The following MYO10 variants were observed in gnomAD, a reference collection of about 807,000 sequenced individuals.
The protein encoded by MYO10 is unconventional myosin-X.
A neutral mutation model predicts 257.3 loss-of-function variants in MYO10; 133 were observed. The ratio of observed to expected loss-of-function variants is 0.52; its 90% CI spans 0.45 to 0.60. The LOEUF is 0.60. MYO10 is among the 20% of genes least tolerant of loss of function. MYO10 has a pLI of 0.00. For synonymous variants in MYO10, 1,104 were observed against 1,028.6 expected, an observed-to-expected ratio of 1.07 and a Z score of -1.40; for missense variants, 2,399 against 2,635.7, an observed-to-expected ratio of 0.91 and a Z score of 1.97.
Position 16,870,087 on chromosome 5 carries a change from C to T in MYO10, c.120+7522G>A, listed in dbSNP as rs866873689. Among the ~76,000 whole-genome samples the T allele has an allele frequency of 3.3e-5, 5 of 151,310 alleles. No individual in the cohort carries two copies. In the Middle Eastern group the frequency reaches 0.017, roughly 515 times the overall value. ...GACACACATGGCTCTGCTTTTTCTCCAACACTAAACAGGATTTTAAAATTG... is the reference window on the plus strand; with the variant it reads ...GACACACATGGCTCTGCTTTTTCTCTAACACTAAACAGGATTTTAAAATTG... On this transcript the variant is annotated intron_variant, in intron 2 of 40. Transcript: ENST00000513610.
intron 1 of MYO10, among the ~76,000 whole-genome samples, chr5:16,919,610 A>T (rs1011036796): frequency 2.6e-5 from 4 of 152,232 alleles, no homozygotes; most frequent in African/African-American, 9.6e-5. Context: ...GAATTAATAC[A>T]TGTAAAAAGC....
chr5:16,836,164 A>G (rs1179319657), intron 2 of MYO10, among the ~76,000 whole-genome samples: 1 of 152,188 alleles, frequency 6.6e-6, no homozygotes, highest in East Asian at 1.9e-4. Context: ...CCCCTCCCAA[A>G]AAGAGTGTCT....
intron 19 of MYO10, among the ~76,000 whole-genome samples, chr5:16,718,411 G>C (rs1474339067): frequency 6.6e-6 from 1 of 152,288 alleles, no homozygotes; most frequent in Non-Finnish European, 1.5e-5. Flanking sequence ...AGCCAGCTGG[G>C]CTCCTGAGTC....
chr5:16,919,398 A>C (rs1214416950), intron 1 of MYO10, among the ~76,000 whole-genome samples: 1 of 151,886 alleles, frequency 6.6e-6, no homozygotes, highest in Non-Finnish European at 1.5e-5. Context: ...CAAACAAATA[A>C]ACAAAAATCT....
chr5:16,845,211 A>C (rs1743599653), intron 2 of MYO10, among the ~76,000 whole-genome samples: 1 of 152,108 alleles, frequency 6.6e-6, no homozygotes, highest in South Asian at 2.1e-4. Context: ...TTACTGCTGA[A>C]TTATCTGTAG....
intron 30 of MYO10, among the ~76,000 whole-genome samples, chr5:16,682,549 G>A (rs1188659947): frequency 6.6e-6 from 1 of 152,154 alleles, no homozygotes; most frequent in African/African-American, 2.4e-5. Context: ...CGTGATAATG[G>A]AAATTTACTT....
chr5:16,885,928 C>A (rs1744884944), intron 1 of MYO10, among the ~76,000 whole-genome samples: 1 of 152,160 alleles, frequency 6.6e-6, no homozygotes, highest in Non-Finnish European at 1.5e-5. Flanking sequence ...ACCCAGGCAT[C>A]CCCCATAGCA....
At chr5:16,678,485 C>T (rs1488515485) in intron 33 of MYO10, among the ~76,000 whole-genome samples, 1 of 152,198 alleles carries the variant, frequency 6.6e-6, no homozygotes. Flanking sequence ...GAGGCTGAGG[C>T]AGGAGAATTG....
intron 19 of MYO10, among the ~76,000 whole-genome samples, chr5:16,725,975 A>G (rs958320492): frequency 2.6e-5 from 4 of 151,932 alleles, no homozygotes; most frequent in Non-Finnish European, 5.9e-5. Flanking sequence ...TTCAGTAGAG[A>G]CAGATGACCA....
intron 9 of MYO10, among the ~76,000 whole-genome samples, chr5:16,776,809 G>A (rs943243104): frequency 1.3e-5 from 2 of 152,230 alleles, no homozygotes; most frequent in East Asian, 3.9e-4. Context: ...CAGGACAAGG[G>A]AGCTGCCACT....
chr5:16,753,669 C>T (rs1289191296), intron 19 of MYO10, among the ~76,000 whole-genome samples: 2 of 150,998 alleles, frequency 1.3e-5, no homozygotes, highest in East Asian at 2.0e-4. Flanking sequence ...TAGGGTTTCA[C>T]CATGTTGGCC....
intron 21 of MYO10, among the ~76,000 whole-genome samples, chr5:16,710,070 A>G (rs1448620983): frequency 6.6e-6 from 1 of 152,206 alleles, no homozygotes; most frequent in Non-Finnish European, 1.5e-5. Flanking sequence ...TAAAAACAGC[A>G]TATTATGAGT....
intron 5 of MYO10, among the ~76,000 whole-genome samples, chr5:16,782,086 G>A (rs1403774656): frequency 1.3e-5 from 2 of 152,162 alleles, no homozygotes; most frequent in East Asian, 3.8e-4. Context: ...GCAATGGCTC[G>A]TTCCTGCACC....
In MYO10 at chr5:16,754,815, TC is replaced by T. The variant is rs768024905; in HGVS notation, c.1929+12del. The T allele has an allele frequency of 1.0e-5, 16 of 1,580,556 alleles. No individual in the cohort carries two copies. In the African/African-American group the frequency reaches 2.1e-4, roughly 21 times the overall value. On this transcript the variant is annotated intron_variant, in intron 19 of 40. Coordinates refer to ENST00000513610, the MANE Select transcript of MYO10 (RefSeq NM_012334.3). ...CGAGACAGATCCCAGCCTAGGACTG[TC>T]ATCAATCTTACCTTCTGCATGTTTG...
At chr5:16,697,373 A>C (rs1387378101) in intron 26 of MYO10, among the ~76,000 whole-genome samples, 1 of 152,228 alleles carries the variant, frequency 6.6e-6, no homozygotes, top group East Asian at 1.9e-4. Context: ...AACAGAAAAG[A>C]GAAGCACAGA....
chr5:16,754,971 C>A lies in MYO10; in HGVS notation c.1849-63G>T, dbSNP rs182420456. ...ATGTCATTCTTTAAATTTCTCAGTA[C>A]TCTAGGCACTTAGAAACAATAATTT... On this transcript the variant is annotated intron_variant, in intron 18 of 40. Transcript: ENST00000513610. 1.1e-3 allele frequency: 1,178 copies of A among 1,026,022 alleles called. 3 individuals are homozygous for A. Among genetic ancestry groups the A allele is most frequent in the Middle Eastern group, 5.2e-3 (24 of 4,584 alleles). 63.6% of individuals were successfully genotyped at this position (1,026,022 alleles called of 1,614,324 possible). A position where few individuals can be genotyped will look rare whatever the true frequency, so the allele number is the denominator to read the frequency against.
chr5:16,710,475 C>T (rs1738547164), intron 21 of MYO10, among the ~76,000 whole-genome samples: 1 of 152,106 alleles, frequency 6.6e-6, no homozygotes, highest in Non-Finnish European at 1.5e-5. Context: ...GGATTTCAGA[C>T]CGGCTACTGA....
intron 2 of MYO10, among the ~76,000 whole-genome samples, chr5:16,862,810 G>A (rs540130657): frequency 6.6e-6 from 1 of 152,248 alleles, no homozygotes; most frequent in Admixed American, 6.5e-5. Context: ...AGCAACCACA[G>A]GGGTCAATAG....
At chr5:16,773,069 TTA>T (rs1741102742) in intron 9 of MYO10, among the ~76,000 whole-genome samples, 1 of 152,204 alleles carries the variant, frequency 6.6e-6, no homozygotes, top group Non-Finnish European at 1.5e-5. Context: ...TATGTGTTCA[TTA>T]TATCTCAATA....
Sources: allele counts gnomAD v4.1 joint callset (sites outside exome capture counted in the v4.1 genomes callset), GRCh38; gene constraint gnomAD v4.1.1; transcripts MANE v1.5; gene names NCBI Gene and HGNC (gene_info 2026-07-23, HGNC 2026-07-21).